Variants in PTPRD observed in about 807,000 individuals in gnomAD.
The protein encoded by PTPRD is receptor-type tyrosine-protein phosphatase delta.
PTPRD carries 34 observed loss-of-function variants against 214.5 expected under a neutral mutation model. That is an observed-to-expected ratio of 0.16 (90% confidence interval 0.12 to 0.21). PTPRD has a LOEUF of 0.21. Ranked by LOEUF, PTPRD falls within the 10% of genes least tolerant of loss-of-function variation. The pLI is 1.00. For missense variants in PTPRD, 2,545 were observed against 2,398.7 expected, an observed-to-expected ratio of 1.06 and a Z score of -1.27; for synonymous variants, 1,128 against 845.7, an observed-to-expected ratio of 1.33 and a Z score of -5.79.
chr9:9,981,976 G>A (rs1241791285), intron 4 of PTPRD, among the ~76,000 whole-genome samples: 1 of 152,086 alleles, frequency 6.6e-6, no homozygotes, highest in Non-Finnish European at 1.5e-5. Context: ...ATTATTAGGT[G>A]ATAAAAATTA....
chr9:8,519,036 T>C (rs1373320475), intron 20 of PTPRD, among the ~76,000 whole-genome samples: 1 of 152,186 alleles, frequency 6.6e-6, no homozygotes, highest in Non-Finnish European at 1.5e-5. Context: ...ATAACATCTA[T>C]ATTCTGGTAA....
chr9:8,380,802 T>C (rs2084818349), intron 37 of PTPRD, among the ~76,000 whole-genome samples: 1 of 152,168 alleles, frequency 6.6e-6, no homozygotes, highest in Non-Finnish European at 1.5e-5. Flanking sequence ...ATGGCTTACC[T>C]TGGGAGTGCT....
intron 9 of PTPRD, among the ~76,000 whole-genome samples, chr9:9,217,769 C>A (rs1453245740): frequency 6.6e-6 from 1 of 152,130 alleles, no homozygotes; most frequent in African/African-American, 2.4e-5. Context: ...TCATCTCCAC[C>A]AAAATCCCGC....
At chr9:9,706,706 C>T (rs1006443190) in intron 7 of PTPRD, among the ~76,000 whole-genome samples, 5 of 152,056 alleles carry the variant, frequency 3.3e-5, no homozygotes, top group African/African-American at 9.7e-5. Flanking sequence ...TCCCAAAGTG[C>T]TAGCATTGCA....
chr9:8,406,980 T>A (rs2093046082), intron 35 of PTPRD, among the ~76,000 whole-genome samples: 1 of 152,232 alleles, frequency 6.6e-6, no homozygotes, highest in Non-Finnish European at 1.5e-5. Context: ...CACCCACAGA[T>A]GTATAAGATG....
At chr9:10,083,230 A>T (rs902252523) in intron 3 of PTPRD, among the ~76,000 whole-genome samples, 1 of 152,012 alleles carries the variant, frequency 6.6e-6, no homozygotes, top group Non-Finnish European at 1.5e-5. Flanking sequence ...CTCATACATG[A>T]TATCTTACAG....
At chr9:9,033,382 C>G (rs189791248) in intron 10 of PTPRD, among the ~76,000 whole-genome samples, 29 of 152,198 alleles carry the variant, frequency 1.9e-4, no homozygotes, top group Non-Finnish European at 2.9e-5. Flanking sequence ...TGGGTTCAGA[C>G]TAGAATCCCT....
intron 7 of PTPRD, among the ~76,000 whole-genome samples, chr9:9,581,002 C>T (rs1365828065): frequency 6.6e-6 from 1 of 151,942 alleles, no homozygotes; most frequent in Non-Finnish European, 1.5e-5. Flanking sequence ...TGATCAGATT[C>T]TTTTAAAGGG....
chr9:9,908,934 G>A (rs575387655), intron 5 of PTPRD, among the ~76,000 whole-genome samples: 1 of 151,850 alleles, frequency 6.6e-6, no homozygotes, highest in Non-Finnish European at 1.5e-5. Context: ...AGAAGATATA[G>A]GCTATATTCC....
intron 14 of PTPRD, among the ~76,000 whole-genome samples, chr9:8,535,208 C>T (rs2076633923): frequency 6.6e-6 from 1 of 151,824 alleles, no homozygotes; most frequent in South Asian, 2.1e-4. Context: ...ATTCCAAGCT[C>T]CATCAATAGA....
intron 8 of PTPRD, among the ~76,000 whole-genome samples, chr9:9,498,945 C>G (rs370199575): frequency 6.9e-6 from 1 of 145,976 alleles, no homozygotes; most frequent in African/African-American, 2.6e-5. Flanking sequence ...TTTTCTCTCT[C>G]TGTCTCTCTC....
At chr9:10,379,786 A>G (rs1440053550) in intron 2 of PTPRD, among the ~76,000 whole-genome samples, 1 of 152,078 alleles carries the variant, frequency 6.6e-6, no homozygotes, top group Non-Finnish European at 1.5e-5. Context: ...ATGTAGTTTG[A>G]ACTATGTGGT....
intron 9 of PTPRD, among the ~76,000 whole-genome samples, chr9:9,373,346 C>T (rs1049697604): frequency 5.0e-4 from 76 of 152,102 alleles, no homozygotes; most frequent in African/African-American, 1.8e-3. Context: ...TACCTAACAC[C>T]TAGAAACCTT....
chr9:10,504,767 G>C (rs1346400865), intron 2 of PTPRD, among the ~76,000 whole-genome samples: 1 of 152,154 alleles, frequency 6.6e-6, no homozygotes, highest in Non-Finnish European at 1.5e-5. Flanking sequence ...TAAAATCTGT[G>C]TCTTCTTATT....
intron 2 of PTPRD, among the ~76,000 whole-genome samples, chr9:10,429,290 G>T (rs899691699): frequency 2.6e-5 from 4 of 151,854 alleles, no homozygotes; most frequent in Non-Finnish European, 1.5e-5. Context: ...TCGCAAAGAA[G>T]TAAAAATAGA....
chr9:8,496,308 A>G (rs2097269858), intron 26 of PTPRD, among the ~76,000 whole-genome samples: 1 of 151,886 alleles, frequency 6.6e-6, no homozygotes, highest in Non-Finnish European at 1.5e-5. Flanking sequence ...ATCTTGGACC[A>G]CTGTCTCTGA....
chr9:10,384,742 G>GA (rs2097883967), intron 2 of PTPRD, among the ~76,000 whole-genome samples: 1 of 143,882 alleles, frequency 7.0e-6, no homozygotes, highest in Non-Finnish European at 1.5e-5. Context: ...TTTAAAAACT[G>GA]AAAAAAGGAT....
At position 10,523,616 on chromosome 9, in the gene PTPRD, T is replaced by G. The variant is rs1431551696; in HGVS notation, c.-600+88782A>C. Among the ~76,000 whole-genome samples the G allele has an allele frequency of 5.6e-3, 565 of 100,628 alleles. 18 individuals carry two copies. The highest frequency in any genetic ancestry group is 0.015 in the African/African-American group (497 of 32,914). 66.0% of individuals were successfully genotyped at this position (100,628 alleles called of 152,430 possible). On this transcript the variant is annotated intron_variant, in intron 2 of 45. Coordinates refer to ENST00000381196, the MANE Select transcript of PTPRD (RefSeq NM_002839.4). ...ATATTTATCTGTATATATATATATA[T>G]ATATATAGACAGAAAGAAAGGGAGA...
At chr9:9,977,232 G>A (rs926811741) in intron 4 of PTPRD, among the ~76,000 whole-genome samples, 2 of 152,134 alleles carry the variant, frequency 1.3e-5, no homozygotes, top group Admixed American at 6.5e-5. Flanking sequence ...AACACACTGG[G>A]AGGTCTAAAG....
Sources: allele counts gnomAD v4.1 joint callset (sites outside exome capture counted in the v4.1 genomes callset), GRCh38; gene constraint gnomAD v4.1.1; transcripts MANE v1.5; gene names NCBI Gene and HGNC (gene_info 2026-07-23, HGNC 2026-07-21).